The following CTNNA3 variants were observed in gnomAD, a reference collection of about 807,000 sequenced individuals.
The protein encoded by CTNNA3 is catenin alpha-3.
In CTNNA3, 76 loss-of-function variants were observed where a neutral mutation model predicts 95.7. That is an observed-to-expected ratio of 0.79 (90% CI 0.66 to 0.96). The LOEUF is 0.96. Ranked by LOEUF, CTNNA3 falls within the 40% of genes least tolerant of loss-of-function variation. CTNNA3 has a pLI of 0.00. For missense variants in CTNNA3, 1,191 were observed against 1,089.8 expected, an observed-to-expected ratio of 1.09 and a Z score of -1.31; for synonymous variants, 431 against 374.4, an observed-to-expected ratio of 1.15 and a Z score of -1.74.
chr10:66,657,176 T>C (rs1312625936), intron 9 of CTNNA3, among the ~76,000 whole-genome samples: 1 of 152,156 alleles, frequency 6.6e-6, no homozygotes, highest in Non-Finnish European at 1.5e-5. Context: ...AGAAGGTTCA[T>C]GCCATATTTT....
chr10:67,517,900 T>C (rs915736209), intron 5 of CTNNA3, among the ~76,000 whole-genome samples: 4 of 152,150 alleles, frequency 2.6e-5, no homozygotes, highest in African/African-American at 7.2e-5. Flanking sequence ...ATAAAGAACA[T>C]ATCCATATCC....
intron 1 of CTNNA3, among the ~76,000 whole-genome samples, chr10:67,721,289 TA>T (rs1211970505): frequency 5.9e-5 from 9 of 152,152 alleles, no homozygotes; most frequent in African/African-American, 9.7e-5. Context: ...CAGTTTCAGG[TA>T]CACCAATCAA....
At chr10:66,177,821 C>T (rs2085798678) in intron 13 of CTNNA3, among the ~76,000 whole-genome samples, 1 of 151,890 alleles carries the variant, frequency 6.6e-6, no homozygotes, top group South Asian at 2.1e-4. Flanking sequence ...AAAATCTATG[C>T]ATAATGTAAA....
At chr10:65,949,930 G>C (rs1036425710) in intron 17 of CTNNA3, among the ~76,000 whole-genome samples, 1 of 152,048 alleles carries the variant, frequency 6.6e-6, no homozygotes. Context: ...GTGGAGACTG[G>C]AAATGTTGTT....
At chr10:67,503,870 A>G (rs1839311531) in intron 5 of CTNNA3, among the ~76,000 whole-genome samples, 1 of 152,168 alleles carries the variant, frequency 6.6e-6, no homozygotes, top group Non-Finnish European at 1.5e-5. Flanking sequence ...AAACAGAGTA[A>G]CATTCAGCCA....
In CTNNA3 at chr10:65,924,659, C is replaced by T. The variant is rs990833376; in HGVS notation, c.2401-4042G>A. Among the ~76,000 whole-genome samples the T allele has an allele frequency of 7.9e-5, 12 of 152,204 alleles. 1 individual carries two copies. Among genetic ancestry groups the T allele is most frequent in the African/African-American group, 2.7e-4 (11 of 41,452 alleles). On this transcript the variant is annotated intron_variant, in intron 17 of 17. Coordinates refer to ENST00000433211, the MANE Select transcript of CTNNA3 (RefSeq NM_013266.4). ...AGAACAAAATTATCCATTTCCCTAACACTGAGCCAACAGGTGACTGTCTAC... is the reference window on the plus strand; with the variant it reads ...AGAACAAAATTATCCATTTCCCTAATACTGAGCCAACAGGTGACTGTCTAC...
At chr10:66,865,431 G>C (rs755163462) in intron 7 of CTNNA3, among the ~76,000 whole-genome samples, 28 of 151,968 alleles carry the variant, frequency 1.8e-4, no homozygotes, top group Non-Finnish European at 3.5e-4. Context: ...CAGTAAATTC[G>C]AGTATGTGTG....
intron 13 of CTNNA3, among the ~76,000 whole-genome samples, chr10:66,155,385 T>A (rs1589577254): frequency 6.6e-6 from 1 of 152,028 alleles, no homozygotes; most frequent in East Asian, 1.9e-4. Flanking sequence ...TGTGTTATAC[T>A]TGTGCCACCA....
intron 7 of CTNNA3, among the ~76,000 whole-genome samples, chr10:66,831,502 C>T (rs531794663): frequency 6.6e-6 from 1 of 152,248 alleles, no homozygotes; most frequent in African/African-American, 2.4e-5. Flanking sequence ...GAAATCTTTT[C>T]TGGGATGCTT....
At chr10:67,714,987 A>G (rs1184087428) in intron 1 of CTNNA3, among the ~76,000 whole-genome samples, 1 of 152,174 alleles carries the variant, frequency 6.6e-6, no homozygotes, top group Non-Finnish European at 1.5e-5. Flanking sequence ...TTTCTTTTGT[A>G]AATTGCCCAG....
chr10:66,132,945 G>A (rs1439168357), intron 13 of CTNNA3, among the ~76,000 whole-genome samples: 1 of 151,936 alleles, frequency 6.6e-6, no homozygotes, highest in Non-Finnish European at 1.5e-5. Context: ...AATAACTGTT[G>A]GTTACTTGTC....
chr10:66,029,765 A>G (rs1362452593), intron 15 of CTNNA3, among the ~76,000 whole-genome samples: 3 of 152,196 alleles, frequency 2.0e-5, no homozygotes, highest in African/African-American at 7.2e-5. Context: ...ACAGTGCCTG[A>G]TACATAGAAG....
At chr10:66,556,107 A>G (rs1842380795) in intron 10 of CTNNA3, among the ~76,000 whole-genome samples, 2 of 152,074 alleles carry the variant, frequency 1.3e-5, no homozygotes, top group Non-Finnish European at 2.9e-5. Flanking sequence ...AGGTGTATGG[A>G]AAGGTGCTCA....
chr10:66,364,587 C>T (rs963383110), intron 12 of CTNNA3, among the ~76,000 whole-genome samples: 1 of 152,028 alleles, frequency 6.6e-6, no homozygotes, highest in Non-Finnish European at 1.5e-5. Flanking sequence ...AATTTGAAAA[C>T]AGCTAAATAG....
Position 66,746,219 on chromosome 10 carries a change from T to C in CTNNA3, c.1281+20045A>G, listed in dbSNP as rs573614641. 2.0e-4 allele frequency among the ~76,000 whole-genome samples: 30 copies of C among 152,138 alleles called. 1 individual carries two copies. The South Asian group carries it at 5.8e-3, about 30-fold the overall frequency. On this transcript the variant is annotated intron_variant, in intron 9 of 17. Transcript: ENST00000433211. The stretch of plus-strand genomic sequence containing the variant: ...TGCTAACAAATAATACTAGATAATA[T>C]TAGGAAAACAAATTTCAAGGTAAAA...
chr10:67,408,676 G>A (rs1845240062), intron 5 of CTNNA3, among the ~76,000 whole-genome samples: 1 of 151,952 alleles, frequency 6.6e-6, no homozygotes, highest in Non-Finnish European at 1.5e-5. Flanking sequence ...ATAGGCACAG[G>A]CAAAGATTTC....
In CTNNA3 at chr10:66,461,685, G is replaced by GTATA. The variant is rs141247399; in HGVS notation, c.1531+58928_1531+58931dup. ...GTTTGCACTCACGTTATATATATAT[G>GTATA]TATATATATATATATATATCAAGTG... On this transcript the variant is annotated intron_variant, in intron 11 of 17. Coordinates refer to ENST00000433211, the MANE Select transcript of CTNNA3 (RefSeq NM_013266.4). 6.9e-3 allele frequency among the ~76,000 whole-genome samples: 964 copies of GTATA among 140,118 alleles called. 8 individuals carry two copies. The highest frequency in any genetic ancestry group is 0.02 in the African/African-American group (733 of 36,506). 91.9% of individuals were successfully genotyped at this position (140,118 alleles called of 152,430 possible). A position where few individuals can be genotyped will look rare whatever the true frequency, so the allele number is the denominator to read the frequency against.
chr10:66,618,291 C>A (rs10997262), intron 10 of CTNNA3, among the ~76,000 whole-genome samples: 1 of 151,740 alleles, frequency 6.6e-6, no homozygotes, highest in Non-Finnish European at 1.5e-5. Context: ...GGAGGCATCA[C>A]GCTACCTGAC....
intron 11 of CTNNA3, among the ~76,000 whole-genome samples, chr10:66,485,675 A>G (rs1246679666): frequency 1.3e-5 from 2 of 152,146 alleles, no homozygotes; most frequent in African/African-American, 4.8e-5. Context: ...ACTCAAAATA[A>G]TCTATAGATT....
Sources: gnomAD v4.1 joint callset for allele counts (sites outside exome capture counted in the v4.1 genomes callset) on GRCh38, gnomAD v4.1.1 for gene constraint, MANE v1.5 for transcripts, NCBI Gene and HGNC (gene_info 2026-07-23, HGNC 2026-07-21) for gene names.